Variants in DLL1 observed in about 807,000 individuals in gnomAD.
DLL1 encodes the protein delta like canonical Notch ligand 1.
In DLL1, 9 loss-of-function variants were observed where a neutral mutation model predicts 75.1. The ratio of observed to expected loss-of-function variants is 0.12; its 90% confidence interval spans 0.07 to 0.21. The LOEUF (loss-of-function observed/expected upper bound fraction) is 0.21. Ranked by LOEUF, DLL1 falls within the 10% of genes least tolerant of loss-of-function variation. The pLI, the probability that DLL1 is intolerant of heterozygous loss-of-function variation, is 1.00. For synonymous variants in DLL1, 477 were observed against 418.3 expected (o/e 1.14, Z -1.71); for missense variants, 837 against 1,007.6 (o/e 0.83, Z 2.29).
intron 2 of DLL1, chr6:170,289,115 G>C (rs1014474528): frequency 8.6e-6 from 5 of 580,384 alleles, no homozygotes; most frequent in African/African-American, 5.6e-5. Context: ...CATTTTTCTT[G>C]GGGGATGGGC....
At chr6:170,285,787 G>T in intron 5 of DLL1, 88 bp from the exon 6 acceptor site, 2 of 1,562,446 alleles carry the variant, frequency 1.3e-6, no homozygotes, top group Non-Finnish European at 1.8e-6. Context: ...TCTTCCCGCA[G>T]CACCAGTGAG....
intron 5 of DLL1, 83 bp from the exon 6 acceptor site, chr6:170,285,782 C>G: frequency 6.3e-7 from 1 of 1,582,982 alleles, no homozygotes; most frequent in Non-Finnish European, 8.7e-7. Flanking sequence ...AACCATCTTC[C>G]CGCAGCACCA....
Position 170,283,477 on chromosome 6 carries a change from T to C in DLL1, c.1802A>G (p.Asp601Gly). The C allele has an allele frequency of 1.2e-6, 2 of 1,607,540 alleles. No homozygotes were observed. The highest frequency in any genetic ancestry group is 1.7e-6 in the Non-Finnish European group (2 of 1,177,272). The part of the protein sequence containing the change: ...NNLANCQREK[D>G]ISVSIIGATQ... The stretch of plus-strand genomic sequence containing the variant: ...GGCCCCGATGATGCTGACTGAGATG[T>C]CCTTCTCACGCTGGCAGTTGGCCAG... Residue 601 changes from aspartate (D) to glycine (G), a missense_variant, in exon 9 of 11, where the codon GAC (aspartate) becomes GGC (glycine). Asp to Gly is a moderately conservative substitution (Grantham distance 94, BLOSUM62 -1). Coordinates refer to ENST00000366756, the MANE Select transcript of DLL1 (RefSeq NM_005618.4).
At chr6:170,288,690 C>A (rs763234035) in intron 3 of DLL1, 39 bp downstream of exon 3, 2 of 1,613,496 alleles carry the variant, frequency 1.2e-6, no homozygotes, top group Admixed American at 1.7e-5. Flanking sequence ...ATGCTATTAA[C>A]TGGGGAAAGC....
rs1430595397 is a variant in DLL1 at position 170,282,854 on chromosome 6, C to CTT, written c.*18_*19dup. The CTT allele has an allele frequency of 1.2e-6, 2 of 1,614,026 alleles. No individual in the cohort carries two copies. The highest frequency in any genetic ancestry group is 1.7e-6 in the Non-Finnish European group (2 of 1,180,052). On this transcript the variant is annotated 3_prime_UTR_variant, in exon 11 of 11. Transcript: ENST00000366756. ...TACTTATTTTAAGAGAAACGGGAGTCTTGCCATCTCACTTCCATTTTACAC... is the reference window on the plus strand; with the variant it reads ...TACTTATTTTAAGAGAAACGGGAGTCTTTTGCCATCTCACTTCCATTTTACAC...
chr6:170,289,947 G>C, intron 1 of DLL1, 139 bp from the exon 2 acceptor site: 1 of 1,320,124 alleles, frequency 7.6e-7, no homozygotes, highest in Non-Finnish European at 9.8e-7. Flanking sequence ...CGCTGGGGTC[G>C]TCGCCCCCGG....
Position 170,290,218 on chromosome 6 carries a change from G to T in DLL1, c.-79C>A. The T allele has an allele frequency of 6.5e-7, 1 of 1,536,458 alleles. No individual in the cohort carries two copies. The highest frequency in any genetic ancestry group is 8.8e-7 in the Non-Finnish European group (1 of 1,138,094). ...AGCGGCGGACGCGCGGGGGATCGATGGGCCACGGGGAGCGTGGGCAGAAAA... is the reference window on the plus strand; with the variant it reads ...AGCGGCGGACGCGCGGGGGATCGATTGGCCACGGGGAGCGTGGGCAGAAAA... On this transcript the variant is annotated 5_prime_UTR_variant, in exon 1 of 11. Transcript: ENST00000366756. This position sits in a 1 kb window ranked among gnomAD's most constrained non-coding sequence, Gnocchi z 4.7.
At position 170,290,176 on chromosome 6, in the gene DLL1, A is replaced by G; in HGVS notation, c.-37T>C. 1 of 1,585,564 alleles carries G rather than the reference A, an allele frequency of 6.3e-7. No homozygotes were observed. Among genetic ancestry groups the G allele is most frequent in the African/African-American group, 1.4e-5 (1 of 73,892 alleles). On this transcript the variant is annotated 5_prime_UTR_variant, in exon 1 of 11. Transcript: ENST00000366756. This position sits in a 1 kb window ranked among gnomAD's most constrained non-coding sequence, Gnocchi z 4.7. ...CCACGCGCGAGCCTGGGGGGCCCCC[A>G]CTTCTCTCCTTAGAACAGCGGCGGA...
rs747006314 is a variant in DLL1, at chr6:170,288,772, A to G, written c.369T>C (p.Ile123=). 1.2e-6 allele frequency: 2 copies of G among 1,614,142 alleles called. No homozygotes were observed. Among genetic ancestry groups the G allele is most frequent in the Non-Finnish European group, 8.5e-7 (1 of 1,180,020 alleles). ...GFTWPGTFSL[I]IEALHTDSPD... The stretch of plus-strand genomic sequence containing the variant: ...GAGAATCTGTGTGGAGAGCTTCAAT[A>G]ATCAGAGAGAAGGTGCCCTGGGAGA... The change falls in exon 3 of 11, where the codon ATT becomes ATC. Residue 123 remains isoleucine (I), a synonymous_variant. Coordinates refer to ENST00000366756, the MANE Select transcript of DLL1 (RefSeq NM_005618.4).
intron 2 of DLL1, chr6:170,289,103 G>A: frequency 1.7e-6 from 1 of 581,090 alleles, no homozygotes; most frequent in Non-Finnish European, 3.1e-6. Context: ...GAGGGCCCTT[G>A]TCATTTTTCT....
rs2114961479 is a variant in DLL1, at chr6:170,286,148, A to G, written c.731+90T>C. 3 of 1,532,474 alleles carry G rather than the reference A, an allele frequency of 2.0e-6. No homozygotes were observed. The East Asian group carries it at 6.7e-5, about 34-fold the overall frequency. 94.9% of individuals were successfully genotyped at this position (1,532,474 alleles called of 1,614,324 possible). A position where few individuals can be genotyped will look rare whatever the true frequency, so the allele number is the denominator to read the frequency against. On this transcript the variant is annotated intron_variant, in intron 5 of 10. Coordinates refer to ENST00000366756, the MANE Select transcript of DLL1 (RefSeq NM_005618.4). ...CAATCTTACTGGAGTTTTTCGAATG[A>G]TCACCTAGGGCTGTTTTTACAAATA...
At position 170,285,587 on chromosome 6, in the gene DLL1, C is replaced by T. The variant is rs1562496094; in HGVS notation, c.844G>A (p.Gly282Ser). ...WQCNCQEGWG[G>S]LFCNQDLNYC... ...GGCTTACCCTGGTTGCAGAAAAGGC[C>T]CCCCCAGCCTTCCTGGCAGTTGCAC... Residue 282 changes from glycine to serine, a missense_variant, in exon 6 of 11, where the codon GGC becomes AGC. Gly to Ser is a moderately conservative substitution (Grantham distance 56, BLOSUM62 0). This residue lies in a region of DLL1 where 304 missense variants were observed against 461.9 expected (regional missense o/e 0.66). Coordinates refer to ENST00000366756, the MANE Select transcript of DLL1 (RefSeq NM_005618.4). The T allele has an allele frequency of 6.2e-7, 1 of 1,614,094 alleles. No homozygotes were observed. Among genetic ancestry groups the T allele is most frequent in the Non-Finnish European group, 8.5e-7 (1 of 1,180,016 alleles).
Position 170,289,560 on chromosome 6 carries a change from G to T in DLL1, c.303C>A (p.Asp101Glu), listed in dbSNP as rs201394102. The T allele has an allele frequency of 2.1e-4, 320 of 1,535,220 alleles. No homozygotes were observed. In the African/African-American group the frequency reaches 3.9e-3, roughly 19 times the overall value. Residue 101 changes from aspartate to glutamate, a missense_variant, in exon 2 of 11, where the codon GAC becomes GAA. Around this residue, in one of 2 missense-constraint regions of DLL1, gnomAD observed 304 missense variants for 461.9 expected, o/e 0.66. Coordinates refer to ENST00000366756, the MANE Select transcript of DLL1 (RefSeq NM_005618.4). Reference protein sequence around the residue: ...SFSLPDGGGADSAFSNPIRFP... With the variant: ...SFSLPDGGGAESAFSNPIRFP... ...AGCGGATGGGGTTGCTGAACGCGGAGTCGGCGCCCCCGCCGTCGGGCAGAC... is the reference window on the plus strand; with the variant it reads ...AGCGGATGGGGTTGCTGAACGCGGATTCGGCGCCCCCGCCGTCGGGCAGAC...
chr6:170,288,070 C>G, intron 4 of DLL1, 169 bp downstream of exon 4: 2 of 965,752 alleles, frequency 2.1e-6, no homozygotes, highest in Non-Finnish European at 3.1e-6. Flanking sequence ...CCCAACCCCC[C>G]CACTGACGAG....
At chr6:170,289,160 A>T in intron 2 of DLL1, 1 of 591,868 alleles carries the variant, frequency 1.7e-6, no homozygotes. Flanking sequence ...CTGCGCGGGT[A>T]ATCGCGCCAC....
chr6:170,283,833 G>A lies in DLL1; in HGVS notation c.1446C>T (p.Val482=), dbSNP rs772764787. The A allele has an allele frequency of 6.2e-7, 1 of 1,602,100 alleles. No individual in the cohort carries two copies. The highest frequency in any genetic ancestry group is 1.7e-5 in the Admixed American group (1 of 59,488). ...GGCAGGGTGCGTGCTCGCACCTGCT[G>A]ACGGGGGCACTGCAGTTCCTGCCCG... ...GYTGRNCSAP[V]SRCEHAPCHN... Residue 482 remains valine (V), a synonymous_variant, in exon 9 of 11, where the codon GTC becomes GTT. Transcript: ENST00000366756.
intron 2 of DLL1, chr6:170,289,095 G>T: frequency 1.7e-6 from 1 of 584,114 alleles, no homozygotes; most frequent in Admixed American, 3.0e-5. Context: ...AGAGGCCCGA[G>T]GGCCCTTGTC....
At position 170,289,585 on chromosome 6, in the gene DLL1, C is replaced by G; in HGVS notation, c.278G>C (p.Ser93Thr). ...VTPVLGVDSF[S>T]LPDGGGADSA... ...GTCGGCGCCCCCGCCGTCGGGCAGA[C>G]TGAAGGAGTCGACGCCCAGCACGGG... The change falls in exon 2 of 11, where the codon AGT (serine) becomes ACT (threonine). Residue 93 changes from serine to threonine, a missense_variant. Physicochemically the swap from Ser to Thr is moderately conservative, Grantham distance 58 (BLOSUM62 1). Around this residue, in one of 2 missense-constraint regions of DLL1, gnomAD observed 304 missense variants for 461.9 expected, o/e 0.66. Transcript: ENST00000366756. The G allele has an allele frequency of 6.5e-7, 1 of 1,535,738 alleles. No homozygotes were observed. Among genetic ancestry groups the G allele is most frequent in the Non-Finnish European group, 8.7e-7 (1 of 1,146,508 alleles).
chr6:170,291,047 CCCT>C lies in DLL1; in HGVS notation c.-911_-909del. 3 of 701,978 alleles carry C rather than the reference CCCT, an allele frequency of 4.3e-6. No homozygotes were observed. The highest frequency in any genetic ancestry group is 7.8e-6 in the Non-Finnish European group (3 of 384,668). 43.5% of individuals were successfully genotyped at this position (701,978 alleles called of 1,614,324 possible). On this transcript the variant is annotated 5_prime_UTR_variant, in exon 1 of 11. Coordinates refer to ENST00000366756, the MANE Select transcript of DLL1 (RefSeq NM_005618.4). ...GTCACAAAGGAGCCACTTTTCCAAA[CCCT>C]CCTCTCAATGGATCGCCAAATGGTC...
Sources: gnomAD v4.1 joint callset for allele counts on GRCh38, gnomAD v4.1.1 for gene constraint, gnomAD v4.1.1 regional missense constraint, Gnocchi (gnomAD v3.1) non-coding constraint, MANE v1.5 for transcripts, NCBI Gene and HGNC (gene_info 2026-07-23, HGNC 2026-07-21) for gene names.